Variants in GTF2H3 observed in about 807,000 individuals in gnomAD.
GTF2H3 encodes the protein general transcription factor IIH subunit 3.
A neutral mutation model predicts 51.1 loss-of-function variants in GTF2H3; 42 were observed. The ratio of observed to expected loss-of-function variants is 0.82; its 90% confidence interval spans 0.64 to 1.06. The LOEUF (loss-of-function observed/expected upper bound fraction) is 1.06, where lower values mean the gene tolerates loss of function less well. Among genes scored for constraint, GTF2H3 ranks in the 50% least tolerant of loss-of-function variants. The pLI is 0.00. For missense variants in GTF2H3, 326 were observed against 366.1 expected (o/e 0.89, Z 0.89); for synonymous variants, 123 against 123.8 (o/e 0.99, Z 0.04).
chr12:123,655,040 G>A (rs753058171), intron 8 of GTF2H3, 42 bp downstream of exon 8: 8 of 1,495,334 alleles, frequency 5.3e-6, no homozygotes, highest in South Asian at 2.3e-5. Flanking sequence ...GTTTCATAAC[G>A]AAGGAGTCAA....
chr12:123,645,359 T>G (rs1955431560), intron 2 of GTF2H3, 96 bp from the exon 3 acceptor site: 3 of 697,866 alleles, frequency 4.3e-6, no homozygotes, highest in Non-Finnish European at 7.6e-6. Context: ...CTTGAGCCAC[T>G]GCACCCAGCC....
In GTF2H3 at chr12:123,662,456, T is replaced by A. The variant is rs1434609909; in HGVS notation, c.*2221T>A. The A allele has an allele frequency of 6.6e-6, 1 of 152,192 alleles. No individual in the cohort carries two copies. Among genetic ancestry groups the A allele is most frequent in the Non-Finnish European group, 1.5e-5 (1 of 68,036 alleles). The allele number at this position is 152,192 out of a possible 1,614,324, so 9.4% of individuals were successfully genotyped here. Reference sequence around the variant, plus strand: ...AGTCTAGGAAATAAAGTATTATATATACTTTCAAACAAGCTAGCAAGGCTT... The same window carrying A: ...AGTCTAGGAAATAAAGTATTATATAAACTTTCAAACAAGCTAGCAAGGCTT... On this transcript the variant is annotated 3_prime_UTR_variant, in exon 13 of 13. Coordinates refer to ENST00000543341, the MANE Select transcript of GTF2H3 (RefSeq NM_001516.5).
chr12:123,635,572 CAAA>C (rs11316749), intron 1 of GTF2H3, among the ~76,000 whole-genome samples: 23 of 85,380 alleles, frequency 2.7e-4, no homozygotes, highest in Non-Finnish European at 3.7e-4. Context: ...GTCTCCGTCG[CAAA>C]AAAAAAAAAA....
chr12:123,659,389 A>G, intron 9 of GTF2H3, 127 bp from the exon 10 acceptor site: 1 of 715,688 alleles, frequency 1.4e-6, no homozygotes, highest in Non-Finnish European at 2.5e-6. Context: ...AAAATAAAAT[A>G]ATAATAATCT....
chr12:123,643,099 A>G (rs1244773643), intron 2 of GTF2H3, among the ~76,000 whole-genome samples: 2 of 152,146 alleles, frequency 1.3e-5, no homozygotes, highest in South Asian at 4.1e-4. Flanking sequence ...GCTGGTTGCA[A>G]ACTCCTGAGC....
chr12:123,651,070 C>A lies in GTF2H3; in HGVS notation c.427+14C>A. On this transcript the variant is annotated intron_variant, in intron 5 of 12. Coordinates refer to ENST00000543341, the MANE Select transcript of GTF2H3 (RefSeq NM_001516.5). ...AAGCCCTTTGCTGTATCCTTGGTGT[C>A]TGAATCATTTAGAAGGTGTCTTCTG... 1 of 1,596,510 alleles carries A rather than the reference C, an allele frequency of 6.3e-7. No individual in the cohort carries two copies. Among genetic ancestry groups the A allele is most frequent in the East Asian group, 2.2e-5 (1 of 44,750 alleles).
intron 7 of GTF2H3, 63 bp from the exon 8 acceptor site, chr12:123,654,861 G>T (rs1485656536): frequency 9.3e-7 from 1 of 1,075,888 alleles, no homozygotes; most frequent in Admixed American, 1.7e-5. Flanking sequence ...AGTATATTGT[G>T]TGACATTGGT....
At position 123,637,983 on chromosome 12, in the gene GTF2H3, TTTTGTTTGTTTG is replaced by T. The variant is rs202238371; in HGVS notation, c.14-1261_14-1250del. On this transcript the variant is annotated intron_variant, in intron 1 of 12. Transcript: ENST00000543341. ...CAGGCATTCAGAATGCAGTAGGTGG[TTTTGTTTGTTTG>T]TTTGTTTGTTTGTTTGTTTCCAGAC... Among the ~76,000 whole-genome samples, 90 of 151,530 alleles carry T rather than the reference TTTTGTTTGTTTG, an allele frequency of 5.9e-4. 1 individual carries two copies. The highest frequency in any genetic ancestry group is 3.4e-3 in the Middle Eastern group (1 of 290).
In GTF2H3 at chr12:123,659,849, G is replaced by A. The variant is rs768120496; in HGVS notation, c.739G>A (p.Val247Ile). The change falls in exon 11 of 13, where the codon GTT becomes ATT. Residue 247 changes from valine to isoleucine, a missense_variant. Coordinates refer to ENST00000543341, the MANE Select transcript of GTF2H3 (RefSeq NM_001516.5). ...ATCTCAGTTAATCCTCCCACCCCCA[G>A]TTCATGTTGACTACAGGGCTGCTTG... Reference protein sequence around the residue: ...QRSQLILPPPVHVDYRAACFC... With the variant: ...QRSQLILPPPIHVDYRAACFC... 6.2e-7 allele frequency: 1 copy of A among 1,613,652 alleles called. No individual in the cohort carries two copies. The highest frequency in any genetic ancestry group is 1.1e-5 in the South Asian group (1 of 91,068).
At chr12:123,635,775 A>C (rs1415500359) in intron 1 of GTF2H3, among the ~76,000 whole-genome samples, 1 of 152,208 alleles carries the variant, frequency 6.6e-6, no homozygotes, top group Non-Finnish European at 1.5e-5. Context: ...AGAAGTCCAC[A>C]GTCTTAAGTG....
intron 1 of GTF2H3, among the ~76,000 whole-genome samples, chr12:123,635,766 G>A (rs1955274491): frequency 6.6e-6 from 1 of 152,042 alleles, no homozygotes; most frequent in Non-Finnish European, 1.5e-5. Flanking sequence ...CATTTTTTAA[G>A]AAGTCCACAG....
At chr12:123,647,529 A>AT (rs967429058) in intron 3 of GTF2H3, among the ~76,000 whole-genome samples, 1 of 152,062 alleles carries the variant, frequency 6.6e-6, no homozygotes, top group Non-Finnish European at 1.5e-5. Flanking sequence ...TTTGGGCCAG[A>AT]TTTTTATTAC....
At position 123,662,139 on chromosome 12, in the gene GTF2H3, A is replaced by C. The variant is rs1171569437; in HGVS notation, c.*1904A>C. 6.6e-6 allele frequency: 1 copy of C among 150,696 alleles called. No homozygotes were observed. Among genetic ancestry groups the C allele is most frequent in the Non-Finnish European group, 1.5e-5 (1 of 67,676 alleles). 9.3% of individuals were successfully genotyped at this position (150,696 alleles called of 1,614,324 possible). A position where few individuals can be genotyped will look rare whatever the true frequency, so the allele number is the denominator to read the frequency against. ...GACAAGAACAAAACTCTGTCTCAAA[A>C]AAAAAAAAAAAAAAAAAGTCTGTAC... On this transcript the variant is annotated 3_prime_UTR_variant, in exon 13 of 13. Transcript: ENST00000543341.
intron 1 of GTF2H3, 38 bp from the exon 2 acceptor site, chr12:123,639,226 C>G (rs759778669): frequency 1.0e-6 from 1 of 963,766 alleles, no homozygotes; most frequent in Non-Finnish European, 1.7e-6. Flanking sequence ...TTTTATGGAG[C>G]TAATGTTTTA....
chr12:123,654,393 T>C (rs1955558655), intron 7 of GTF2H3, among the ~76,000 whole-genome samples: 1 of 151,614 alleles, frequency 6.6e-6, no homozygotes, highest in Non-Finnish European at 1.5e-5. Flanking sequence ...TGGTTGTGTG[T>C]GTGTGTATTT....
At chr12:123,651,867 G>A (rs1477923535) in intron 5 of GTF2H3, among the ~76,000 whole-genome samples, 7 of 152,002 alleles carry the variant, frequency 4.6e-5, no homozygotes, top group Admixed American at 1.3e-4. Context: ...CTGGAAGTGG[G>A]GAAGAGTGAG....
chr12:123,660,134 A>G (rs11573007), intron 12 of GTF2H3, 32 bp from the exon 13 acceptor site: 23 of 1,608,572 alleles, frequency 1.4e-5, no homozygotes, highest in East Asian at 2.2e-5. Context: ...GCTCTAGAAC[A>G]TTAAAAAATG....
chr12:123,653,109 A>G (rs973157797), intron 7 of GTF2H3, among the ~76,000 whole-genome samples: 2 of 152,150 alleles, frequency 1.3e-5, no homozygotes, highest in African/African-American at 4.8e-5. Flanking sequence ...AGAAAAAAAA[A>G]AGAAAACATA....
rs548947813 is a variant in GTF2H3 at position 123,638,897 on chromosome 12, G to A, written c.14-367G>A. 5.4e-5 allele frequency among the ~76,000 whole-genome samples: 8 copies of A among 148,320 alleles called. No individual in the cohort carries two copies. The East Asian group carries it at 6.1e-4, about 11-fold the overall frequency. ...TGCAAGCTCCGCCTCCTGGGTTCAC[G>A]CCATTCTCCTGGCTCAGCCTCCCGA... On this transcript the variant is annotated intron_variant, in intron 1 of 12. Coordinates refer to ENST00000543341, the MANE Select transcript of GTF2H3 (RefSeq NM_001516.5).
Sources: allele counts gnomAD v4.1 joint callset (sites outside exome capture counted in the v4.1 genomes callset), GRCh38; gene constraint gnomAD v4.1.1; transcripts MANE v1.5; gene names NCBI Gene and HGNC (gene_info 2026-07-23, HGNC 2026-07-21).